Variants in SSU72 observed in about 807,000 individuals in gnomAD.
SSU72 encodes the protein RNA polymerase II subunit A C-terminal domain phosphatase SSU72.
SSU72 carries 12 observed loss-of-function variants against 22.7 expected under a neutral mutation model. The ratio of observed to expected loss-of-function variants is 0.53; its 90% CI spans 0.34 to 0.86. The LOEUF (loss-of-function observed/expected upper bound fraction) is 0.86, where lower values mean the gene tolerates loss of function less well. Among genes scored for constraint, SSU72 ranks in the 40% least tolerant of loss-of-function variants. The pLI is 0.02. For missense variants in SSU72, 151 were observed against 249.8 expected (o/e 0.60, Z 2.67); for synonymous variants, 116 against 98.3 (o/e 1.18, Z -1.06).
intron 2 of SSU72, among the ~76,000 whole-genome samples, chr1:1,549,626 G>A (rs1286461723): frequency 6.6e-6 from 1 of 151,198 alleles, no homozygotes; most frequent in Non-Finnish European, 1.5e-5. Context: ...CTTATCTGAG[G>A]TCAGGAGTTC....
chr1:1,558,799 C>T (rs1343684222), intron 2 of SSU72, among the ~76,000 whole-genome samples: 1 of 152,214 alleles, frequency 6.6e-6, no homozygotes, highest in Non-Finnish European at 1.5e-5. Flanking sequence ...CTCCTCTACC[C>T]TCTGGGCCAG....
Position 1,574,547 on chromosome 1 carries a change from G to A in SSU72, c.11C>T (p.Ser4Phe). 1.3e-6 allele frequency: 2 copies of A among 1,589,552 alleles called. No homozygotes were observed. The highest frequency in any genetic ancestry group is 1.7e-6 in the Non-Finnish European group (2 of 1,170,694). ...GCACACCACCGCCACCCGCAGCGGG[G>A]ACGACGGCATGGCGGCGGCCGCAAA... The part of the protein sequence containing the change: MPS[S>F]PLRVAVVCSS... The change falls in exon 1 of 5, where the codon TCC becomes TTC. Residue 4 changes from serine (S) to phenylalanine (F), a missense_variant. By Grantham distance (155) the Ser-to-Phe change is radical. Transcript: ENST00000291386.
intron 1 of SSU72, among the ~76,000 whole-genome samples, chr1:1,567,845 G>A (rs572072754): frequency 8.7e-5 from 13 of 148,670 alleles, no homozygotes; most frequent in South Asian, 2.1e-4. Context: ...CCCCGGAAGC[G>A]GAGGTTGCAG....
chr1:1,563,263 G>C lies in SSU72; in HGVS notation c.224+1510C>G, dbSNP rs528295026. 8 of 152,312 alleles carry C rather than the reference G, an allele frequency of 5.3e-5. No homozygotes were observed. The East Asian group carries it at 1.5e-3, about 29-fold the overall frequency. 9.4% of individuals were successfully genotyped at this position (152,312 alleles called of 1,614,324 possible). A position where few individuals can be genotyped will look rare whatever the true frequency, so the allele number is the denominator to read the frequency against. ...TAAATATTCCAAGAGGCCAGGCATG[G>C]TGGCTCACGCCTGTAATCCCAACAC... On this transcript the variant is annotated intron_variant, in intron 2 of 4. Coordinates refer to ENST00000291386, the MANE Select transcript of SSU72 (RefSeq NM_014188.3).
chr1:1,570,695 C>G (rs1161484632), intron 1 of SSU72, among the ~76,000 whole-genome samples: 3 of 152,218 alleles, frequency 2.0e-5, no homozygotes, highest in African/African-American at 7.2e-5. Context: ...GATGTGAATA[C>G]TAACTATGGA....
chr1:1,573,257 T>C (rs1470074819), intron 1 of SSU72, among the ~76,000 whole-genome samples: 2 of 78,796 alleles, frequency 2.5e-5, no homozygotes, highest in Non-Finnish European at 2.1e-5. Flanking sequence ...CCGTCTCTAC[T>C]AAAAATACAA....
intron 1 of SSU72, among the ~76,000 whole-genome samples, chr1:1,573,991 G>A (rs978640875): frequency 4.0e-5 from 6 of 151,278 alleles, no homozygotes; most frequent in African/African-American, 1.2e-4. Flanking sequence ...CCGGTTGGAG[G>A]CGTTCCAGGG....
At chr1:1,560,484 C>G (rs1642575644) in intron 2 of SSU72, among the ~76,000 whole-genome samples, 1 of 152,006 alleles carries the variant, frequency 6.6e-6, no homozygotes, top group Non-Finnish European at 1.5e-5. Flanking sequence ...GACTCGTACC[C>G]TGACAATCCC....
intron 2 of SSU72, among the ~76,000 whole-genome samples, chr1:1,552,786 C>A (rs1185719172): frequency 6.6e-6 from 1 of 152,056 alleles, no homozygotes; most frequent in African/African-American, 2.4e-5. Context: ...GTTGGAAGGC[C>A]GAGGCGGGTG....
At chr1:1,571,137 C>T (rs1442023455) in intron 1 of SSU72, among the ~76,000 whole-genome samples, 1 of 151,018 alleles carries the variant, frequency 6.6e-6, no homozygotes, top group East Asian at 1.9e-4. Flanking sequence ...CCCAGTTACT[C>T]AGGAGGCTGA....
chr1:1,567,383 T>C (rs1341569599), intron 1 of SSU72, among the ~76,000 whole-genome samples: 2 of 152,172 alleles, frequency 1.3e-5, no homozygotes, highest in Non-Finnish European at 2.9e-5. Context: ...GCCAGAAATG[T>C]GGCACAATAG....
At chr1:1,545,174 TAGG>T (rs1642375925) in intron 2 of SSU72, 172 bp from the exon 3 acceptor site, 1 of 711,668 alleles carries the variant, frequency 1.4e-6, no homozygotes, top group Non-Finnish European at 2.3e-6. Context: ...CTCACTGTCC[TAGG>T]AGGTCCCACA....
intron 1 of SSU72, among the ~76,000 whole-genome samples, chr1:1,571,857 A>G (rs1642735209): frequency 6.6e-6 from 1 of 151,470 alleles, no homozygotes; most frequent in Admixed American, 6.6e-5. Context: ...GCCGGATCTC[A>G]GCTCACTGCA....
chr1:1,560,238 A>G (rs1417225116), intron 2 of SSU72, among the ~76,000 whole-genome samples: 1 of 152,154 alleles, frequency 6.6e-6, no homozygotes, highest in Non-Finnish European at 1.5e-5. Flanking sequence ...AGGCTGGAGC[A>G]CAATGGCGCA....
chr1:1,545,104 G>C, intron 2 of SSU72, 102 bp from the exon 3 acceptor site: 1 of 1,426,512 alleles, frequency 7.0e-7, no homozygotes, highest in Non-Finnish European at 9.6e-7. Context: ...CCCCACAGCA[G>C]AGGCAGCCGG....
intron 1 of SSU72, among the ~76,000 whole-genome samples, chr1:1,568,122 A>G (rs1570399669): frequency 6.6e-6 from 1 of 152,210 alleles, no homozygotes; most frequent in East Asian, 1.9e-4. Flanking sequence ...CAGAAGCAGT[A>G]TTTCTCCCAA....
At position 1,554,082 on chromosome 1, in the gene SSU72, G is replaced by A. The variant is rs909626971; in HGVS notation, c.225-9080C>T. Among the ~76,000 whole-genome samples the A allele has an allele frequency of 7.2e-5, 11 of 152,206 alleles. No individual in the cohort carries two copies. The highest frequency in any genetic ancestry group is 2.1e-4 in the South Asian group (1 of 4,826). ...GTGGCCAGGGCCTCTAAAGAGAAACGAGGAGGAAGTGCAGCTCCAGGGAGT... is the reference window on the plus strand; with the variant it reads ...GTGGCCAGGGCCTCTAAAGAGAAACAAGGAGGAAGTGCAGCTCCAGGGAGT... On this transcript the variant is annotated intron_variant, in intron 2 of 4. Transcript: ENST00000291386. This position sits in a 1 kb window ranked among gnomAD's most constrained non-coding sequence, Gnocchi z 4.1.
chr1:1,542,183 C>A lies in SSU72; in HGVS notation c.484-16G>T, dbSNP rs371819961. 2 of 1,568,558 alleles carry A rather than the reference C, an allele frequency of 1.3e-6. No individual in the cohort carries two copies. The highest frequency in any genetic ancestry group is 2.3e-5 in the East Asian group (1 of 42,744). On this transcript the variant is annotated splice_polypyrimidine_tract_variant and intron_variant, in intron 4 of 4. Coordinates refer to ENST00000291386, the MANE Select transcript of SSU72 (RefSeq NM_014188.3). This position sits in a 1 kb window ranked among gnomAD's most constrained non-coding sequence, Gnocchi z 4.4. ...TGTGCTGGATCTGCAAGGACAGGAC[C>A]GTGGTGAGGGCCTTGCCCACTCCTG...
At chr1:1,555,614 C>T (rs140368896) in intron 2 of SSU72, among the ~76,000 whole-genome samples, 40 of 152,348 alleles carry the variant, frequency 2.6e-4, no homozygotes, top group African/African-American at 5.8e-4. Flanking sequence ...GTGCACAGCA[C>T]GATGCTCTGG....
Sources: gnomAD v4.1 joint callset for allele counts (sites outside exome capture counted in the v4.1 genomes callset) on GRCh38, gnomAD v4.1.1 for gene constraint, Gnocchi (gnomAD v3.1) non-coding constraint, MANE v1.5 for transcripts, NCBI Gene and HGNC (gene_info 2026-07-23, HGNC 2026-07-21) for gene names.